Variants in TSC22D1 observed in about 807,000 individuals in gnomAD.
TSC22D1 encodes TSC22 domain family protein 1.
Under a neutral mutation model 74.2 loss-of-function variants are expected in TSC22D1, and 9 were observed. The ratio of observed to expected loss-of-function variants is 0.12; its 90% CI spans 0.07 to 0.21. The LOEUF (loss-of-function observed/expected upper bound fraction) is 0.21, where lower values mean the gene tolerates loss of function less well. TSC22D1 is among the 10% of genes least tolerant of loss of function. The pLI is 1.00. For synonymous variants in TSC22D1, 586 were observed against 492.5 expected (o/e 1.19, Z -2.51); for missense variants, 1,427 against 1,304.7 (o/e 1.09, Z -1.44).
rs1199389761 is a variant in TSC22D1 at position 44,576,184 on chromosome 13, G to A, written c.-110C>T. 2 of 1,389,116 alleles carry A rather than the reference G, an allele frequency of 1.4e-6. No individual in the cohort carries two copies. The highest frequency in any genetic ancestry group is 1.5e-5 in the African/African-American group (1 of 68,682). The allele number at this position is 1,389,116 out of a possible 1,614,324, so 86.0% of individuals were successfully genotyped here. A position where few individuals can be genotyped will look rare whatever the true frequency, so the allele number is the denominator to read the frequency against. On this transcript the variant is annotated 5_prime_UTR_variant, in exon 1 of 3. Coordinates refer to ENST00000458659, the MANE Select transcript of TSC22D1 (RefSeq NM_183422.4). ...AACGGGACCTGACGCTCCGCCTGGC[G>A]CGATTCCTCCTTCTCCTCCTCCTCA...
rs1307772146 is a variant in TSC22D1 at position 44,433,883 on chromosome 13, C to CA, written c.*742dup. 8 of 1,201,282 alleles carry CA rather than the reference C, an allele frequency of 6.7e-6. No individual in the cohort carries two copies. Among genetic ancestry groups the CA allele is most frequent in the Non-Finnish European group, 6.8e-6 (6 of 887,418 alleles). 74.4% of individuals were successfully genotyped at this position (1,201,282 alleles called of 1,614,324 possible). A position where few individuals can be genotyped will look rare whatever the true frequency, so the allele number is the denominator to read the frequency against. On this transcript the variant is annotated 3_prime_UTR_variant, in exon 3 of 3. Coordinates refer to ENST00000458659, the MANE Select transcript of TSC22D1 (RefSeq NM_183422.4). ...CTATATATAAAAGTCCACACCTCCT[C>CA]AGACAGCCAATGAAACAACTAAATT...
chr13:44,558,415 A>G (rs1882827674), intron 1 of TSC22D1, among the ~76,000 whole-genome samples: 1 of 152,230 alleles, frequency 6.6e-6, no homozygotes, highest in Non-Finnish European at 1.5e-5. Context: ...CTTACAAAAA[A>G]GAGGAGCTAA....
At chr13:44,562,704 C>A (rs946541993) in intron 1 of TSC22D1, among the ~76,000 whole-genome samples, 2 of 152,170 alleles carry the variant, frequency 1.3e-5, no homozygotes, top group African/African-American at 2.4e-5. Flanking sequence ...TATAAGGAAC[C>A]AATCCTAAAA....
At chr13:44,483,957 C>A (rs531193920) in intron 1 of TSC22D1, among the ~76,000 whole-genome samples, 28 of 152,276 alleles carry the variant, frequency 1.8e-4, no homozygotes, top group African/African-American at 6.5e-4. Flanking sequence ...ATGAATGCAA[C>A]CAGGGCTCTT....
chr13:44,457,560 G>T lies in TSC22D1; in HGVS notation c.2913-21465C>A, dbSNP rs566501946. 1.0e-3 allele frequency among the ~76,000 whole-genome samples: 150 copies of T among 148,956 alleles called. 2 individuals carry two copies. The South Asian group carries it at 0.015, about 14-fold the overall frequency. ...CGCCTATTGGTAAAGCAATTTCAAG[G>T]GCTGCAAAAAGAGCAACCCCTAAAG... On this transcript the variant is annotated intron_variant, in intron 1 of 2. Coordinates refer to ENST00000458659, the MANE Select transcript of TSC22D1 (RefSeq NM_183422.4).
chr13:44,473,591 T>G (rs910479102), intron 1 of TSC22D1, among the ~76,000 whole-genome samples: 4 of 120,946 alleles, frequency 3.3e-5, no homozygotes, highest in African/African-American at 1.3e-4. Flanking sequence ...ATACAAACAG[T>G]AGAAGCAGTA....
At chr13:44,552,289 G>A (rs769663264) in intron 1 of TSC22D1, among the ~76,000 whole-genome samples, 2 of 152,114 alleles carry the variant, frequency 1.3e-5, no homozygotes, top group Non-Finnish European at 2.9e-5. Context: ...ATAAATAATA[G>A]ACAAGAATGT....
chr13:44,525,552 G>C (rs1480928240), intron 1 of TSC22D1, among the ~76,000 whole-genome samples: 1 of 152,112 alleles, frequency 6.6e-6, no homozygotes, highest in East Asian at 1.9e-4. Context: ...TCGTGCCACT[G>C]CACTCTAGCC....
rs138719789 is a variant in TSC22D1 at position 44,443,779 on chromosome 13, G to A, written c.2913-7684C>T. Among the ~76,000 whole-genome samples the A allele has an allele frequency of 2.6e-5, 4 of 152,262 alleles. No homozygotes were observed. The East Asian group carries it at 7.7e-4, about 29-fold the overall frequency. On this transcript the variant is annotated intron_variant, in intron 1 of 2. Transcript: ENST00000458659. ...AAATGTATGACAAAGATAGAACAAC[G>A]GCTAAGAAGGGAGAAGGGAAATATA...
At chr13:44,532,190 T>A (rs1033149349) in intron 1 of TSC22D1, among the ~76,000 whole-genome samples, 6 of 152,240 alleles carry the variant, frequency 3.9e-5, no homozygotes, top group Non-Finnish European at 7.3e-5. Context: ...CAATTTCTTT[T>A]ATAAGCTGTG....
intron 1 of TSC22D1, among the ~76,000 whole-genome samples, chr13:44,469,622 T>A (rs923686194): frequency 3.3e-5 from 5 of 152,118 alleles, no homozygotes; most frequent in African/African-American, 1.2e-4. Context: ...AAAGCACGAA[T>A]CTTGTATAAT....
chr13:44,544,110 A>AAATAAAC (rs1301943852), intron 1 of TSC22D1, among the ~76,000 whole-genome samples: 9 of 152,110 alleles, frequency 5.9e-5, no homozygotes, highest in Non-Finnish European at 1.0e-4. Context: ...AAAAAATAAA[A>AAATAAAC]AATAAACTTT....
At chr13:44,521,646 G>C (rs1401104028) in intron 1 of TSC22D1, among the ~76,000 whole-genome samples, 1 of 135,500 alleles carries the variant, frequency 7.4e-6, no homozygotes, top group Non-Finnish European at 1.6e-5. Context: ...GAAAATAAGG[G>C]AAAAAAAACC....
intron 1 of TSC22D1, among the ~76,000 whole-genome samples, chr13:44,497,989 G>A (rs974922419): frequency 1.3e-5 from 2 of 151,786 alleles, no homozygotes; most frequent in African/African-American, 4.8e-5. Flanking sequence ...CTATCCCTCT[G>A]GGCTCACTTC....
chr13:44,517,811 ATGTG>A (rs1160142015), intron 1 of TSC22D1, among the ~76,000 whole-genome samples: 40 of 55,116 alleles, frequency 7.3e-4, no homozygotes, highest in Middle Eastern at 0.011. Context: ...ACACATATAT[ATGTG>A]TGTGTGTGTG....
intron 1 of TSC22D1, among the ~76,000 whole-genome samples, chr13:44,456,526 T>C (rs192465890): frequency 1.3e-5 from 2 of 152,284 alleles, no homozygotes; most frequent in Admixed American, 1.3e-4. Flanking sequence ...ATCCTTTACC[T>C]AGACAGAAAA....
rs752204828 is a variant in TSC22D1 at position 44,576,196 on chromosome 13, T to C, written c.-122A>G. 1.4e-4 allele frequency: 192 copies of C among 1,351,270 alleles called. No individual in the cohort carries two copies. Among genetic ancestry groups the C allele is most frequent in the Non-Finnish European group, 1.7e-4 (179 of 1,026,714 alleles). The allele number at this position is 1,351,270 out of a possible 1,614,324, so 83.7% of individuals were successfully genotyped here. The stretch of plus-strand genomic sequence containing the variant: ...CGCTCCGCCTGGCGCGATTCCTCCT[T>C]CTCCTCCTCCTCAGCCAAAGGCGCC... On this transcript the variant is annotated 5_prime_UTR_variant, in exon 1 of 3. Coordinates refer to ENST00000458659, the MANE Select transcript of TSC22D1 (RefSeq NM_183422.4).
chr13:44,528,116 C>T (rs1460695673), intron 1 of TSC22D1, among the ~76,000 whole-genome samples: 1 of 152,010 alleles, frequency 6.6e-6, no homozygotes, highest in East Asian at 1.9e-4. Flanking sequence ...AAACACCCCT[C>T]AATCAGGAAT....
At chr13:44,446,147 G>A (rs909657822) in intron 1 of TSC22D1, among the ~76,000 whole-genome samples, 32 of 152,080 alleles carry the variant, frequency 2.1e-4, no homozygotes, top group African/African-American at 7.7e-4. Flanking sequence ...ACAAACCATG[G>A]TACATCTAGA....
Sources: gnomAD v4.1 joint callset for allele counts (sites outside exome capture counted in the v4.1 genomes callset) on GRCh38, gnomAD v4.1.1 for gene constraint, MANE v1.5 for transcripts, NCBI Gene and HGNC (gene_info 2026-07-23, HGNC 2026-07-21) for gene names.